PKP3: variants seen among roughly 807,000 people sequenced by gnomAD.
PKP3 encodes the protein plakophilin-3.
A neutral mutation model predicts 76.5 loss-of-function variants in PKP3; 66 were observed. The ratio of observed to expected loss-of-function variants is 0.86; its 90% CI spans 0.71 to 1.06. PKP3 has a LOEUF of 1.06. Ranked by LOEUF, PKP3 falls within the 50% of genes least tolerant of loss-of-function variation. The pLI is 0.00. For missense variants in PKP3, 1,338 were observed against 1,141.0 expected (o/e 1.17, Z -2.49); for synonymous variants, 638 against 516.5 (o/e 1.24, Z -3.19).
chr11:400,074 G>C lies in PKP3; in HGVS notation c.1381G>C (p.Gly461Arg). ...LVLSPLSGAGGPPLIQQNASE... is the reference protein window; with the variant it reads ...LVLSPLSGAGRPPLIQQNASE... ...GTTGAGCCCCCTGTCGGGGGCTGGG[G>C]GTCCCCCCCTCATCCAGCAGAACGC... Residue 461 changes from glycine (G) to arginine (R), a missense_variant, in exon 6 of 13, where the codon GGT becomes CGT. Gly to Arg is a moderately radical substitution (Grantham distance 125). Transcript: ENST00000331563. The C allele has an allele frequency of 2.5e-6, 4 of 1,600,810 alleles. No individual in the cohort carries two copies. Among genetic ancestry groups the C allele is most frequent in the Non-Finnish European group, 2.6e-6 (3 of 1,176,256 alleles).
At position 400,433 on chromosome 11, in the gene PKP3, G is replaced by C. The variant is rs1193416885; in HGVS notation, c.1548G>C (p.Ala516=). The C allele has an allele frequency of 6.5e-7, 1 of 1,546,970 alleles. No homozygotes were observed. Among genetic ancestry groups the C allele is most frequent in the Non-Finnish European group, 8.7e-7 (1 of 1,145,568 alleles). Residue 516 remains alanine, a synonymous_variant, in exon 7 of 13, where the codon GCG becomes GCC. Transcript: ENST00000331563. ...CCTCTATCAACCACGCCCTGGACGCGGGCAAATGCGAGGACAAGGTGAGGG... is the reference window on the plus strand; with the variant it reads ...CCTCTATCAACCACGCCCTGGACGCCGGCAAATGCGAGGACAAGGTGAGGG... ...LVTSINHALD[A]GKCEDKSVEN... is the part of the protein sequence containing the mutation.
rs375329914 is a variant in PKP3 at position 397,217 on chromosome 11, C to G, written c.716C>G (p.Pro239Arg). Residue 239 changes from proline to arginine, a missense_variant, in exon 3 of 13, where the codon CCG (proline) becomes CGG (arginine). Physicochemically the swap from Pro to Arg is moderately radical, Grantham distance 103. Transcript: ENST00000331563. Reference protein sequence around the residue: ...LDWPEATEVSPSRTIRAPAVR... With the variant: ...LDWPEATEVSRSRTIRAPAVR... ...TGGCCCGAGGCCACTGAGGTTTCCC[C>G]GAGCCGGACCATCCGTGCCCCTGCC... 3.6e-5 allele frequency: 58 copies of G among 1,598,624 alleles called. No individual in the cohort carries two copies. In the South Asian group the frequency reaches 6.1e-4, roughly 17 times the overall value.
rs747535323 is a variant in PKP3, at chr11:404,314, C to T, written c.2349C>T (p.Asp783=). The change falls in exon 12 of 13, where the codon GAC becomes GAT. Residue 783 remains aspartate, a synonymous_variant. Coordinates refer to ENST00000331563, the MANE Select transcript of PKP3 (RefSeq NM_007183.4). This position sits in a 1 kb window ranked among gnomAD's most constrained non-coding sequence, Gnocchi z 4.2. ...GGCAGTACAACAAGCTCCACCGTGA[C>T]TTCCGGGCGGTACGTTTCCCGAGCC... ...NLWQYNKLHR[D]FRAKGYRKED... 8.7e-6 allele frequency: 14 copies of T among 1,612,204 alleles called. No homozygotes were observed. Among genetic ancestry groups the T allele is most frequent in the Admixed American group, 3.3e-5 (2 of 59,994 alleles).
Position 396,907 on chromosome 11 carries a change from G to A in PKP3, c.406G>A (p.Ala136Thr). ...DLSCSRRLSSAHNGGSAFGAA... is the reference protein window; with the variant it reads ...DLSCSRRLSSTHNGGSAFGAA... ...GAGCTGCAGTCGGAGGCTGAGTTCA[G>A]CCCACAACGGGGGCAGCGCCTTTGG... The change falls in exon 3 of 13, where the codon GCC (alanine) becomes ACC (threonine). Residue 136 changes from alanine to threonine, a missense_variant. Ala to Thr is a moderately conservative substitution (Grantham distance 58). Coordinates refer to ENST00000331563, the MANE Select transcript of PKP3 (RefSeq NM_007183.4). 6.3e-7 allele frequency: 1 copy of A among 1,597,134 alleles called. No individual in the cohort carries two copies.
At chr11:393,509 C>T (rs1847002532), upstream of PKP3, 1 of 152,078 alleles carries the variant, frequency 6.6e-6, no homozygotes, top group Non-Finnish European at 1.5e-5. Context: ...TTGGAGGCCT[C>T]TGTAGGGGGT....
In PKP3 at chr11:400,328, C is replaced by T. The variant is rs1468786709; in HGVS notation, c.1449-6C>T. On this transcript the variant is annotated splice_polypyrimidine_tract_variant and splice_region_variant and intron_variant, in intron 6 of 12. Transcript: ENST00000331563. ...CTGGGGGGCTCTGATCCACCTCGGT[C>T]CCCAGGAACCTCAGCTCAGCCTCTC... 5.2e-6 allele frequency: 8 copies of T among 1,545,222 alleles called. No individual in the cohort carries two copies. In the South Asian group the frequency reaches 7.2e-5, roughly 14 times the overall value.
Position 400,364 on chromosome 11 carries a change from C to T in PKP3, c.1479C>T (p.Arg493=), listed in dbSNP as rs1170334622. 4.5e-6 allele frequency: 7 copies of T among 1,549,556 alleles called. No individual in the cohort carries two copies. Among genetic ancestry groups the T allele is most frequent in the East Asian group, 4.9e-5 (2 of 40,930 alleles). Reference sequence around the variant, plus strand: ...TCAGCTCAGCCTCTCAGGCCACTCGCCAGAAGATGCGGGAGTGCCACGGGC... The same window carrying T: ...TCAGCTCAGCCTCTCAGGCCACTCGTCAGAAGATGCGGGAGTGCCACGGGC... ...RNLSSASQAT[R]QKMRECHGLV... is the part of the protein sequence containing the mutation. Residue 493 remains arginine, a synonymous_variant, in exon 7 of 13, where the codon CGC becomes CGT. Coordinates refer to ENST00000331563, the MANE Select transcript of PKP3 (RefSeq NM_007183.4).
chr11:394,644 C>G, intron 1 of PKP3, 120 bp downstream of exon 1: 1 of 814,890 alleles, frequency 1.2e-6, no homozygotes, highest in Non-Finnish European at 1.7e-6. Flanking sequence ...AGGCCTCACA[C>G]TGAGTCACAC....
upstream of PKP3, chr11:392,659 T>A (rs1188728323): frequency 7.8e-7 from 1 of 1,286,902 alleles, no homozygotes; most frequent in Admixed American, 2.3e-5. Flanking sequence ...CCGTCAGCAG[T>A]GGCCTCTGGG....
chr11:400,181 CG>C, intron 6 of PKP3, 40 bp downstream of exon 6: 1 of 1,484,458 alleles, frequency 6.7e-7, no homozygotes, highest in East Asian at 2.4e-5. Flanking sequence ...ATTGCAGGCG[CG>C]GGTCACTGTG....
rs541372577 is a variant in PKP3, at chr11:400,146, G to A, written c.1448+5G>A. The A allele has an allele frequency of 5.8e-6, 9 of 1,540,632 alleles. No individual in the cohort carries two copies. In the East Asian group the frequency reaches 6.9e-5, roughly 12 times the overall value. On this transcript the variant is annotated splice_donor_5th_base_variant and intron_variant, in intron 6 of 12. Transcript: ENST00000331563. ...CAACGCCACCGGCTTCCTCAGGTGC[G>A]CCAGCCTCGGGCAGCGGGGTGGGGA...
chr11:392,788 C>G, upstream of PKP3: 1 of 654,796 alleles, frequency 1.5e-6, no homozygotes, highest in South Asian at 1.5e-5. Context: ...TTTCAGTGGA[C>G]CTTCCCCTCC....
upstream of PKP3, among the ~76,000 whole-genome samples, chr11:393,946 G>A (rs1258721012): frequency 6.6e-6 from 1 of 152,220 alleles, no homozygotes; most frequent in Non-Finnish European, 1.5e-5. Context: ...CACGACAAAG[G>A]GCCCGGTCTG....
chr11:399,877 TG>T, intron 5 of PKP3, 89 bp from the exon 6 acceptor site: 2 of 1,103,564 alleles, frequency 1.8e-6, no homozygotes, highest in South Asian at 1.5e-5. Flanking sequence ...GGCCAGCCCC[TG>T]GGGAGAGGCG....
rs1847017398 is a variant in PKP3 at position 394,437 on chromosome 11, C to T, written c.145C>T (p.Gln49Ter). ...ERLRAARVQE[Q>*]VRARLLQLGQ... is the part of the protein sequence containing the mutation. ...GCTGCGGGCAGCCCGCGTCCAGGAG[C>T]AGGTCCGCGCCCGCCTCTTGCAGCT... is the stretch of plus-strand genomic sequence containing the variant. Residue 49 changes from glutamine (Q) to a stop codon, truncating the protein, a stop_gained, in exon 1 of 13, where the codon CAG becomes TAG. Coordinates refer to ENST00000331563, the MANE Select transcript of PKP3 (RefSeq NM_007183.4). LOFTEE classifies it high-confidence loss of function. 6.8e-7 allele frequency: 1 copy of T among 1,460,898 alleles called. No homozygotes were observed. Among genetic ancestry groups the T allele is most frequent in the Non-Finnish European group, 9.0e-7 (1 of 1,114,714 alleles). 90.5% of individuals were successfully genotyped at this position (1,460,898 alleles called of 1,614,324 possible). A position where few individuals can be genotyped will look rare whatever the true frequency, so the allele number is the denominator to read the frequency against.
At chr11:400,247 G>A in intron 6 of PKP3, 87 bp from the exon 7 acceptor site, 4 of 1,416,596 alleles carry the variant, frequency 2.8e-6, no homozygotes, top group Non-Finnish European at 3.8e-6. Context: ...CTCGCGCTGG[G>A]GATGGGCGTG....
rs777703059 is a variant in PKP3, at chr11:403,255, G to A, written c.1915G>A (p.Asp639Asn). ...AGALQNITAGDRRWAGVLSRL... is the reference protein window; with the variant it reads ...AGALQNITAGNRRWAGVLSRL... ...GGCGCTGCAGAACATCACGGCAGGC[G>A]ACCGCAGGGTGGGGCACCCAACCCA... The change falls in exon 9 of 13, where the codon GAC becomes AAC. Residue 639 changes from aspartate to asparagine, a missense_variant. Coordinates refer to ENST00000331563, the MANE Select transcript of PKP3 (RefSeq NM_007183.4). 14 of 1,577,216 alleles carry A rather than the reference G, an allele frequency of 8.9e-6. No homozygotes were observed. The highest frequency in any genetic ancestry group is 1.3e-5 in the African/African-American group (1 of 74,138).
Position 396,968 on chromosome 11 carries a change from C to A in PKP3, c.467C>A (p.Pro156His), listed in dbSNP as rs775875945. 1.3e-6 allele frequency: 2 copies of A among 1,598,170 alleles called. No individual in the cohort carries two copies. Among genetic ancestry groups the A allele is most frequent in the Non-Finnish European group, 1.7e-6 (2 of 1,178,044 alleles). The change falls in exon 3 of 13, where the codon CCC becomes CAC. Residue 156 changes from proline to histidine, a missense_variant. Coordinates refer to ENST00000331563, the MANE Select transcript of PKP3 (RefSeq NM_007183.4). ...TACGGGGGTGCCCAGCCCACCCCTC[C>A]CATGCCCACCAGGCCCGTGTCCTTC... is the stretch of plus-strand genomic sequence containing the variant. ...AGYGGAQPTP[P>H]MPTRPVSFHE...
At position 403,738 on chromosome 11, in the gene PKP3, C is replaced by T. The variant is rs1157603994; in HGVS notation, c.2044C>T (p.Leu682=). 6.2e-7 allele frequency: 1 copy of T among 1,609,232 alleles called. No individual in the cohort carries two copies. Among genetic ancestry groups the T allele is most frequent in the Non-Finnish European group, 8.5e-7 (1 of 1,179,864 alleles). Residue 682 remains leucine (L), a synonymous_variant, in exon 10 of 13, where the codon CTG becomes TTG. Transcript: ENST00000331563. ...CTCACTGACTGGCCTCATCCGAAACCTGTCTCGGAACGCTAGGAACAAGGA... is the reference window on the plus strand; with the variant it reads ...CTCACTGACTGGCCTCATCCGAAACTTGTCTCGGAACGCTAGGAACAAGGA... The part of the protein sequence containing the change: ...LRSLTGLIRN[L]SRNARNKDEM...
Sources: gnomAD v4.1 joint callset for allele counts (sites outside exome capture counted in the v4.1 genomes callset) on GRCh38, gnomAD v4.1.1 for gene constraint, Gnocchi (gnomAD v3.1) non-coding constraint, MANE v1.5 for transcripts, NCBI Gene and HGNC (gene_info 2026-07-23, HGNC 2026-07-21) for gene names.